The following ST3GAL3 variants were observed in gnomAD, a reference collection of about 807,000 sequenced individuals.
ST3GAL3 encodes the protein ST3 beta-galactoside alpha-2,3-sialyltransferase 3.
A neutral mutation model predicts 50.1 loss-of-function variants in ST3GAL3; 21 were observed. The ratio of observed to expected loss-of-function variants is 0.42; its 90% CI spans 0.30 to 0.60. The LOEUF is 0.60. ST3GAL3 is among the 20% of genes least tolerant of loss of function. The pLI, the probability that ST3GAL3 is intolerant of heterozygous loss-of-function variation, is 0.19. For synonymous variants in ST3GAL3, 183 were observed against 190.0 expected (o/e 0.96, Z 0.30); for missense variants, 353 against 489.4 (o/e 0.72, Z 2.63).
chr1:43,792,950 A>G (rs1289724472), intron 3 of ST3GAL3, among the ~76,000 whole-genome samples: 1 of 152,174 alleles, frequency 6.6e-6, no homozygotes, highest in African/African-American at 2.4e-5. Context: ...GCCTCATACC[A>G]TGGGTACTGC....
chr1:43,709,890 G>A (rs1663739319), intron 1 of ST3GAL3, among the ~76,000 whole-genome samples: 1 of 152,164 alleles, frequency 6.6e-6, no homozygotes, highest in African/African-American at 2.4e-5. Flanking sequence ...CTCCCAAAGT[G>A]TTGAGAATAT....
At chr1:43,824,866 T>C (rs567504850) in intron 4 of ST3GAL3, 6 of 891,812 alleles carry the variant, frequency 6.7e-6, no homozygotes, top group Admixed American at 3.8e-5. Flanking sequence ...ACACAGCCTT[T>C]GCATTAGGAT....
At chr1:43,709,853 A>G (rs72884939) in intron 1 of ST3GAL3, among the ~76,000 whole-genome samples, 11,081 of 151,982 alleles carry the variant, frequency 0.073, 1,345 homozygotes, top group African/African-American at 0.25. Context: ...GTCAAAAAAA[A>G]GAAAGAAAGA....
chr1:43,908,107 A>C (rs1299274276), intron 9 of ST3GAL3, among the ~76,000 whole-genome samples: 4 of 151,492 alleles, frequency 2.6e-5, no homozygotes, highest in African/African-American at 9.7e-5. Context: ...GATTCTTAAA[A>C]CTCATGGCCA....
At chr1:43,871,362 A>G (rs1039099024) in intron 5 of ST3GAL3, among the ~76,000 whole-genome samples, 2 of 152,140 alleles carry the variant, frequency 1.3e-5, no homozygotes, top group Admixed American at 1.3e-4. Context: ...AACCTTTGAG[A>G]CTGAGACATG....
At chr1:43,927,175 C>T (rs1414414552) in intron 11 of ST3GAL3, among the ~76,000 whole-genome samples, 1 of 152,044 alleles carries the variant, frequency 6.6e-6, no homozygotes, top group Non-Finnish European at 1.5e-5. Context: ...ACTAAAAATA[C>T]AAATTAGCCA....
At chr1:43,711,249 T>G (rs905677048) in intron 1 of ST3GAL3, among the ~76,000 whole-genome samples, 1 of 152,226 alleles carries the variant, frequency 6.6e-6, no homozygotes, top group African/African-American at 2.4e-5. Context: ...TCACAGTTAC[T>G]CAGGAACTGA....
intron 2 of ST3GAL3, among the ~76,000 whole-genome samples, chr1:43,760,326 C>G (rs1689788043): frequency 6.6e-6 from 1 of 152,184 alleles, no homozygotes; most frequent in South Asian, 2.1e-4. Context: ...CTGATACAGT[C>G]AGTAGATATA....
chr1:43,801,915 A>T (rs951971076), intron 3 of ST3GAL3, among the ~76,000 whole-genome samples: 1 of 152,166 alleles, frequency 6.6e-6, no homozygotes, highest in Admixed American at 6.5e-5. Context: ...TGGGAGGGTC[A>T]CCTGAGCCCA....
intron 9 of ST3GAL3, among the ~76,000 whole-genome samples, chr1:43,911,421 C>A (rs1027943468): frequency 2.0e-5 from 3 of 150,566 alleles, no homozygotes; most frequent in African/African-American, 7.4e-5. Context: ...CATGGTCCAG[C>A]ACAACAGATC....
intron 5 of ST3GAL3, among the ~76,000 whole-genome samples, chr1:43,890,567 G>A (rs1276859755): frequency 6.6e-6 from 1 of 152,160 alleles, no homozygotes; most frequent in African/African-American, 2.4e-5. Context: ...TGATAAAAGA[G>A]AGAGACGAAG....
intron 2 of ST3GAL3, among the ~76,000 whole-genome samples, chr1:43,749,003 A>T (rs1684992254): frequency 6.6e-6 from 1 of 152,246 alleles, no homozygotes; most frequent in Non-Finnish European, 1.5e-5. Flanking sequence ...AGGACAATAC[A>T]GTATTGGTGA....
intron 2 of ST3GAL3, among the ~76,000 whole-genome samples, chr1:43,760,582 C>T (rs1031633274): frequency 1.3e-5 from 2 of 152,088 alleles, no homozygotes; most frequent in African/African-American, 4.8e-5. Flanking sequence ...GGTGAAACCC[C>T]GTCTCTACTA....
chr1:43,758,552 TTAA>T (rs1688993997), intron 2 of ST3GAL3, among the ~76,000 whole-genome samples: 1 of 152,156 alleles, frequency 6.6e-6, no homozygotes, highest in Non-Finnish European at 1.5e-5. Context: ...GCACCTAATC[TTAA>T]TAATAAAATT....
chr1:43,765,558 T>C (rs1364086288), intron 2 of ST3GAL3, among the ~76,000 whole-genome samples: 1 of 152,098 alleles, frequency 6.6e-6, no homozygotes, highest in Non-Finnish European at 1.5e-5. Flanking sequence ...ACACTTAAAA[T>C]ACTTAAATTG....
chr1:43,883,437 G>A (rs931019991), intron 5 of ST3GAL3, among the ~76,000 whole-genome samples: 3 of 152,212 alleles, frequency 2.0e-5, no homozygotes, highest in Non-Finnish European at 4.4e-5. Flanking sequence ...CCACTGCAAC[G>A]TGCCAACAAG....
rs1337337572 is a variant in ST3GAL3 at position 43,754,816 on chromosome 1, G to T, written c.118+18436G>T. Among the ~76,000 whole-genome samples, 3 of 152,024 alleles carry T rather than the reference G, an allele frequency of 2.0e-5. No individual in the cohort carries two copies. In the East Asian group the frequency reaches 5.8e-4, roughly 29 times the overall value. On this transcript the variant is annotated intron_variant, in intron 2 of 11. Coordinates refer to ENST00000347631, the MANE Select transcript of ST3GAL3 (RefSeq NM_006279.5). ...AATTACAAAATTAGCTGAGTGTAGT[G>T]GTGTGTTCCTGTAGTACCAGCTACT...
intron 9 of ST3GAL3, among the ~76,000 whole-genome samples, chr1:43,909,261 C>T (rs779866751): frequency 4.6e-5 from 7 of 152,254 alleles, no homozygotes; most frequent in Non-Finnish European, 1.0e-4. Flanking sequence ...TAGGCTACCT[C>T]CTTTCATTGC....
chr1:43,887,161 G>A (rs2076105111), intron 5 of ST3GAL3, among the ~76,000 whole-genome samples: 1 of 152,222 alleles, frequency 6.6e-6, no homozygotes, highest in African/African-American at 2.4e-5. Context: ...AATAGCTGCT[G>A]AGCAAAGTTG....
Sources: gnomAD v4.1 joint callset for allele counts (sites outside exome capture counted in the v4.1 genomes callset) on GRCh38, gnomAD v4.1.1 for gene constraint, MANE v1.5 for transcripts, NCBI Gene and HGNC (gene_info 2026-07-23, HGNC 2026-07-21) for gene names.